Variants in COL4A4 observed in about 807,000 individuals in gnomAD.
COL4A4 encodes collagen alpha-4(IV) chain.
In COL4A4, 105 loss-of-function variants were observed where a neutral mutation model predicts 192.9. The ratio of observed to expected loss-of-function variants is 0.54; its 90% CI spans 0.46 to 0.64. COL4A4 has a LOEUF of 0.64. Among genes scored for constraint, COL4A4 ranks in the 30% least tolerant of loss-of-function variants. The pLI is 0.00. For synonymous variants in COL4A4, 762 were observed against 769.9 expected, an observed-to-expected ratio of 0.99 and a Z score of 0.17; for missense variants, 1,967 against 2,169.3, an observed-to-expected ratio of 0.91 and a Z score of 1.85.
chr2:227,064,945 C>T lies in COL4A4; in HGVS notation c.1988-2347G>A, dbSNP rs1222728873. ...CTCCCAGCGCGCGCGACGCAGAAGA[C>T]GGGTGATTTCTGCATTTCCATCTGA... On this transcript the variant is annotated intron_variant, in intron 25 of 47. Transcript: ENST00000396625. Among the ~76,000 whole-genome samples, 5 of 149,372 alleles carry T rather than the reference C, an allele frequency of 3.3e-5. No individual in the cohort carries two copies. The East Asian group carries it at 6.0e-4, about 18-fold the overall frequency.
intron 14 of COL4A4, 46 bp from the exon 15 acceptor site, chr2:227,102,894 CAGCAATAGGGAAAGCAAT>C: frequency 1.0e-5 from 2 of 200,968 alleles, no homozygotes; most frequent in African/African-American, 1.7e-4. Context: ...AACAATATTT[CAGCAATAGGGAAAGCAAT>C]ATTTCAGCAA....
At position 227,060,139 on chromosome 2, in the gene COL4A4, G is replaced by T; in HGVS notation, c.2161C>A (p.Pro721Thr). ...TPGTAEIPGP[P>T]GFRGDMGDPG... ...AAAAAAAAAAAACCTCACTGACCAG[G>T]TGGACCTGGTATTTCCGCTGTTCCT... Residue 721 changes from proline to threonine, a missense_variant, in exon 27 of 48, where the codon CCT (proline) becomes ACT (threonine). Coordinates refer to ENST00000396625, the MANE Select transcript of COL4A4 (RefSeq NM_000092.5). 4 of 1,259,058 alleles carry T rather than the reference G, an allele frequency of 3.2e-6. No individual in the cohort carries two copies. The highest frequency in any genetic ancestry group is 4.5e-6 in the Non-Finnish European group (4 of 885,808). The allele number at this position is 1,259,058 out of a possible 1,614,324, so 78.0% of individuals were successfully genotyped here.
intron 44 of COL4A4, among the ~76,000 whole-genome samples, chr2:227,018,957 A>C (rs1965466536): frequency 6.6e-6 from 1 of 152,236 alleles, no homozygotes; most frequent in Non-Finnish European, 1.5e-5. Context: ...TATCATGTTC[A>C]AGTGTAAAGA....
intron 46 of COL4A4, 99 bp downstream of exon 46, chr2:227,010,214 A>C: frequency 2.5e-6 from 3 of 1,216,928 alleles, no homozygotes; most frequent in Non-Finnish European, 3.7e-6. Flanking sequence ...GAATAATCCC[A>C]TATAAGGTTA....
At chr2:227,159,740 G>A (rs1035030410) in intron 1 of COL4A4, among the ~76,000 whole-genome samples, 2 of 152,134 alleles carry the variant, frequency 1.3e-5, no homozygotes, top group African/African-American at 4.8e-5. Flanking sequence ...CTGTGAAGAG[G>A]TGCCTTCCAC....
chr2:227,090,813 C>A (rs2059876915), intron 20 of COL4A4, among the ~76,000 whole-genome samples: 1 of 147,086 alleles, frequency 6.8e-6, no homozygotes, highest in South Asian at 2.2e-4. Flanking sequence ...TATAAACCCA[C>A]AGGACAAGGA....
At chr2:227,050,463 T>C (rs1973832583) in intron 33 of COL4A4, among the ~76,000 whole-genome samples, 2 of 152,334 alleles carry the variant, frequency 1.3e-5, no homozygotes, top group East Asian at 1.9e-4. Flanking sequence ...TCACAGCATA[T>C]GAAAGACTTT....
At chr2:226,997,312 C>T in the COL4A4 span, 3 of 152,328 alleles carry the variant, frequency 2.0e-5, no homozygotes, top group African/African-American at 4.8e-5. Context: ...GTAAGTTTGA[C>T]TCCCGTTACC....
chr2:227,115,226 C>T (rs1367248976), intron 7 of COL4A4, among the ~76,000 whole-genome samples: 2 of 151,632 alleles, frequency 1.3e-5, no homozygotes, highest in Non-Finnish European at 2.9e-5. Context: ...TCTTCCCCTC[C>T]CCAAGGTTTT....
At chr2:227,064,483 C>G (rs1339596635) in intron 25 of COL4A4, among the ~76,000 whole-genome samples, 1 of 152,184 alleles carries the variant, frequency 6.6e-6, no homozygotes, top group Non-Finnish European at 1.5e-5. Context: ...TTGAGGAAAA[C>G]TTCCATGGCC....
chr2:227,131,033 C>T (rs1277384518), intron 4 of COL4A4, among the ~76,000 whole-genome samples: 3 of 152,202 alleles, frequency 2.0e-5, no homozygotes, highest in African/African-American at 7.2e-5. Context: ...CTGCCACCAG[C>T]CACATTTTCC....
chr2:227,104,053 C>G lies in COL4A4; in HGVS notation c.736-1G>C, dbSNP rs1396217745. On this transcript the variant is annotated splice_acceptor_variant, in intron 12 of 47. Transcript: ENST00000396625. LOFTEE classifies it high-confidence loss of function. ...GAGAACCTTGCTGACCAACCTCACC[C>G]TTAAAAAAAAAAGCAAGATAATGAA... 1 of 1,610,062 alleles carries G rather than the reference C, an allele frequency of 6.2e-7. No individual in the cohort carries two copies. Among genetic ancestry groups the G allele is most frequent in the Non-Finnish European group, 8.5e-7 (1 of 1,178,282 alleles).
chr2:227,088,354 G>T (rs1337739697), intron 22 of COL4A4, among the ~76,000 whole-genome samples: 1 of 152,072 alleles, frequency 6.6e-6, no homozygotes, highest in East Asian at 1.9e-4. Flanking sequence ...CATGGGGAGG[G>T]TTTCCCCCAT....
intron 37 of COL4A4, among the ~76,000 whole-genome samples, chr2:227,036,481 C>T (rs1241972483): frequency 6.6e-6 from 1 of 152,188 alleles, no homozygotes; most frequent in Non-Finnish European, 1.5e-5. Context: ...CAAAACGGGA[C>T]AGCTGCTCAC....
intron 35 of COL4A4, among the ~76,000 whole-genome samples, chr2:227,045,793 TATATA>T (rs1972382064): frequency 2.0e-5 from 1 of 50,244 alleles, no homozygotes; most frequent in African/African-American, 1.5e-4. Flanking sequence ...CATATATATA[TATATA>T]CACATATATA....
At chr2:227,087,687 G>A (rs935072372) in intron 22 of COL4A4, among the ~76,000 whole-genome samples, 5 of 152,122 alleles carry the variant, frequency 3.3e-5, no homozygotes, top group African/African-American at 4.8e-5. Flanking sequence ...CCCAGCCAAT[G>A]TCCCTTATCC....
intron 4 of COL4A4, among the ~76,000 whole-genome samples, chr2:227,127,248 A>C (rs2062142978): frequency 6.6e-6 from 1 of 152,252 alleles, no homozygotes; most frequent in Non-Finnish European, 1.5e-5. Flanking sequence ...GAATCCAGAA[A>C]TGACAATCAG....
intron 37 of COL4A4, 89 bp from the exon 38 acceptor site, chr2:227,033,570 G>A: frequency 8.5e-7 from 1 of 1,173,690 alleles, no homozygotes; most frequent in Non-Finnish European, 1.3e-6. Context: ...CCAGCAGAGG[G>A]CGCGTTGCTG....
chr2:227,132,561 AG>A (rs1262294555), intron 4 of COL4A4, among the ~76,000 whole-genome samples: 1 of 152,204 alleles, frequency 6.6e-6, no homozygotes, highest in African/African-American at 2.4e-5. Flanking sequence ...AGATCTCTTG[AG>A]GCCAGGAATT....
Sources: allele counts gnomAD v4.1 joint callset (sites outside exome capture counted in the v4.1 genomes callset), GRCh38; gene constraint gnomAD v4.1.1; transcripts MANE v1.5; gene names NCBI Gene and HGNC (gene_info 2026-07-23, HGNC 2026-07-21).